Variants in SEZ6L observed in about 807,000 individuals in gnomAD.
SEZ6L encodes seizure 6-like protein.
In SEZ6L, 37 loss-of-function variants were observed where a neutral mutation model predicts 106.2. The observed-to-expected ratio is 0.35, with a 90% CI of 0.27 to 0.46. The LOEUF (loss-of-function observed/expected upper bound fraction) is 0.46, where lower values mean the gene tolerates loss of function less well. Ranked by LOEUF, SEZ6L falls within the 20% of genes least tolerant of loss-of-function variation. The probability of loss-of-function intolerance (pLI) is 1.00; values close to 1 mark genes in which losing one functional copy is unlikely to be tolerated. For synonymous variants in SEZ6L, 541 were observed against 570.4 expected (o/e 0.95, Z 0.73); for missense variants, 1,172 against 1,332.8 (o/e 0.88, Z 1.88).
At chr22:26,329,196 G>A (rs1404226562) in intron 9 of SEZ6L, among the ~76,000 whole-genome samples, 2 of 152,124 alleles carry the variant, frequency 1.3e-5, no homozygotes, top group African/African-American at 4.8e-5. Flanking sequence ...GGCTGGGCAC[G>A]GTGGCTCAAA....
chr22:26,183,685 C>A (rs1258667782), intron 1 of SEZ6L, among the ~76,000 whole-genome samples: 1 of 152,206 alleles, frequency 6.6e-6, no homozygotes, highest in East Asian at 1.9e-4. Flanking sequence ...ATTATTGCAA[C>A]AATATGTTGG....
chr22:26,245,926 A>G (rs2079325168), intron 1 of SEZ6L, among the ~76,000 whole-genome samples: 1 of 152,258 alleles, frequency 6.6e-6, no homozygotes. Context: ...ACAAAGGGCA[A>G]TGATGATGAT....
At chr22:26,249,950 T>C (rs1602158077) in intron 1 of SEZ6L, among the ~76,000 whole-genome samples, 2 of 152,254 alleles carry the variant, frequency 1.3e-5, no homozygotes, top group Non-Finnish European at 2.9e-5. Flanking sequence ...CATATACCTG[T>C]TGGCCATTTA....
chr22:26,308,563 G>A (rs1028552342), intron 6 of SEZ6L, among the ~76,000 whole-genome samples: 3 of 152,080 alleles, frequency 2.0e-5, no homozygotes, highest in Non-Finnish European at 4.4e-5. Context: ...AAAAAAGTGA[G>A]TTCTCTGGTC....
intron 1 of SEZ6L, among the ~76,000 whole-genome samples, chr22:26,227,384 T>C (rs868533517): frequency 1.3e-5 from 2 of 152,204 alleles, no homozygotes; most frequent in Admixed American, 1.3e-4. Flanking sequence ...ATAGTATTTG[T>C]TACTATTTTT....
chr22:26,262,660 G>A (rs2080052794), intron 1 of SEZ6L, among the ~76,000 whole-genome samples: 1 of 152,174 alleles, frequency 6.6e-6, no homozygotes, highest in African/African-American at 2.4e-5. Flanking sequence ...GAAAGCCAGA[G>A]AGGTGATATT....
chr22:26,342,848 TA>T (rs904796286), intron 10 of SEZ6L, among the ~76,000 whole-genome samples: 1 of 152,208 alleles, frequency 6.6e-6, no homozygotes, highest in Non-Finnish European at 1.5e-5. Context: ...CACTTGCACC[TA>T]AAAACAAGCT....
chr22:26,182,241 C>T (rs1004401140), intron 1 of SEZ6L, among the ~76,000 whole-genome samples: 2 of 152,186 alleles, frequency 1.3e-5, no homozygotes, highest in African/African-American at 2.4e-5. Context: ...TCCTTGCAGA[C>T]TAGAAACTCC....
chr22:26,327,073 C>A (rs992748716), intron 9 of SEZ6L, among the ~76,000 whole-genome samples: 1 of 152,118 alleles, frequency 6.6e-6, no homozygotes, highest in African/African-American at 2.4e-5. Context: ...GATGCGGACG[C>A]AGAATGGCAG....
intron 1 of SEZ6L, among the ~76,000 whole-genome samples, chr22:26,291,902 G>A (rs1244238351): frequency 6.6e-6 from 1 of 152,070 alleles, no homozygotes; most frequent in Non-Finnish European, 1.5e-5. Flanking sequence ...AGGCAGTGAG[G>A]CCCCTGTGCT....
Position 26,350,092 on chromosome 22 carries a change from T to TA in SEZ6L, c.2408-953dup, listed in dbSNP as rs1460595069. ...TAAACTATTTGCAATGTTTCCTTTT[T>TA]AAAAAAATCGCAAATAATAATGCAA... is the stretch of plus-strand genomic sequence containing the variant. On this transcript the variant is annotated intron_variant, in intron 11 of 16. Coordinates refer to ENST00000248933, the MANE Select transcript of SEZ6L (RefSeq NM_021115.5). 2.6e-5 allele frequency among the ~76,000 whole-genome samples: 4 copies of TA among 151,916 alleles called. No homozygotes were observed. The East Asian group carries it at 5.8e-4, about 22-fold the overall frequency.
chr22:26,380,092 G>T (rs1280756868), intron 16 of SEZ6L, among the ~76,000 whole-genome samples, 174 bp from the exon 17 acceptor site: 3 of 152,214 alleles, frequency 2.0e-5, no homozygotes, highest in Non-Finnish European at 1.5e-5. Flanking sequence ...AGCAGCTGTT[G>T]TACGCCATTT....
chr22:26,261,247 A>G (rs1171435489), intron 1 of SEZ6L, among the ~76,000 whole-genome samples: 1 of 152,076 alleles, frequency 6.6e-6, no homozygotes, highest in Non-Finnish European at 1.5e-5. Flanking sequence ...ATTAAGTCTC[A>G]CCTATTTATC....
At chr22:26,232,346 TCACACACACACACACACA>T (rs10654892) in intron 1 of SEZ6L, among the ~76,000 whole-genome samples, 12 of 133,268 alleles carry the variant, frequency 9.0e-5, no homozygotes, top group Admixed American at 3.8e-4. Flanking sequence ...TCTCTGTCTT[TCACACACACACACACACA>T]CACACACACA....
At chr22:26,314,345 C>T (rs1434154711) in intron 9 of SEZ6L, among the ~76,000 whole-genome samples, 2 of 152,128 alleles carry the variant, frequency 1.3e-5, no homozygotes, top group African/African-American at 4.8e-5. Flanking sequence ...GTGATGCATC[C>T]CAAATGAACA....
intron 1 of SEZ6L, among the ~76,000 whole-genome samples, chr22:26,209,339 T>C (rs1479528487): frequency 6.6e-6 from 1 of 152,228 alleles, no homozygotes; most frequent in African/African-American, 2.4e-5. Flanking sequence ...CAATACTTTA[T>C]TGTAGAAACT....
intron 1 of SEZ6L, among the ~76,000 whole-genome samples, chr22:26,277,659 T>G (rs1481728074): frequency 6.6e-6 from 1 of 152,180 alleles, no homozygotes; most frequent in Admixed American, 6.5e-5. Flanking sequence ...ATCCGTCACT[T>G]AAAGAGATTG....
intron 1 of SEZ6L, among the ~76,000 whole-genome samples, chr22:26,281,374 C>CTTTTTTTTT (rs769088373): frequency 6.1e-5 from 8 of 130,596 alleles, no homozygotes; most frequent in African/African-American, 1.2e-4. Context: ...TTCTTTCTTT[C>CTTTTTTTTT]TTTTTTTTTT....
Position 26,294,352 on chromosome 22 carries a change from T to A in SEZ6L, c.896T>A (p.Leu299Gln), listed in dbSNP as rs779439553. The change falls in exon 3 of 17, where the codon CTG (leucine) becomes CAG (glutamine). Residue 299 changes from leucine to glutamine, a missense_variant. Physicochemically the swap from Leu to Gln is moderately radical, Grantham distance 113. This residue lies in a region of SEZ6L where 494 missense variants were observed against 445.8 expected (regional missense o/e 1.11). Transcript: ENST00000248933. ...EGYIDSSDYP[L>Q]LPLNNFLECT... Reference sequence around the variant, plus strand: ...TACATTGACTCCAGCGACTACCCACTGCTGCCCCTCAACAACTTTCTGGAG... The same window carrying A: ...TACATTGACTCCAGCGACTACCCACAGCTGCCCCTCAACAACTTTCTGGAG... 1.9e-6 allele frequency: 3 copies of A among 1,614,094 alleles called. No homozygotes were observed. The highest frequency in any genetic ancestry group is 2.5e-6 in the Non-Finnish European group (3 of 1,179,974).
Sources: allele counts gnomAD v4.1 joint callset (sites outside exome capture counted in the v4.1 genomes callset), GRCh38; gene constraint gnomAD v4.1.1; regional missense constraint gnomAD v4.1.1; transcripts MANE v1.5; gene names NCBI Gene and HGNC (gene_info 2026-07-23, HGNC 2026-07-21).